HIPK3: variants seen among roughly 807,000 people sequenced by gnomAD.
The protein encoded by HIPK3 is homeodomain interacting protein kinase 3, also known as homeodomain-interacting protein kinase 3.
Under a neutral mutation model 124.2 loss-of-function variants are expected in HIPK3, and 47 were observed. The ratio of observed to expected loss-of-function variants is 0.38; its 90% CI spans 0.30 to 0.48. HIPK3 has a LOEUF of 0.48. Among genes scored for constraint, HIPK3 ranks in the 20% least tolerant of loss-of-function variants. HIPK3 has a pLI of 0.98. For missense variants in HIPK3, 1,286 were observed against 1,454.3 expected (o/e 0.88, Z 1.88); for synonymous variants, 482 against 515.2 (o/e 0.94, Z 0.87).
chr11:33,310,933 C>G (rs1028155134), intron 2 of HIPK3, among the ~76,000 whole-genome samples: 5 of 152,184 alleles, frequency 3.3e-5, no homozygotes, highest in African/African-American at 1.2e-4. Flanking sequence ...CTTGAAAAGC[C>G]TGAGGCATCT....
intron 8 of HIPK3, 35 bp downstream of exon 8, chr11:33,341,721 G>A (rs1328980568): frequency 4.5e-6 from 7 of 1,548,930 alleles, no homozygotes; most frequent in South Asian, 3.6e-5. Flanking sequence ...TTGAATCTAG[G>A]CATGCTTTAT....
At position 33,257,634 on chromosome 11, in the gene HIPK3, A is replaced by C. The variant is rs1484866861; in HGVS notation, c.-258A>C. 1.1e-5 allele frequency: 11 copies of C among 989,814 alleles called. No individual in the cohort carries two copies. Among genetic ancestry groups the C allele is most frequent in the African/African-American group, 1.7e-5 (1 of 57,270 alleles). The allele number at this position is 989,814 out of a possible 1,614,324, so 61.3% of individuals were successfully genotyped here. On this transcript the variant is annotated 5_prime_UTR_variant, in exon 1 of 17. It removes an upstream start codon present in the reference 5' UTR. Coordinates refer to ENST00000303296, the MANE Select transcript of HIPK3 (RefSeq NM_005734.5). ...CCACCCCAAATCCCCGGGAAGGAAG[A>C]TGAGGGAGACGGGCCCGGCGCTTAG...
intron 1 of HIPK3, among the ~76,000 whole-genome samples, chr11:33,271,073 T>A (rs1423511847): frequency 6.6e-6 from 1 of 152,208 alleles, no homozygotes; most frequent in Non-Finnish European, 1.5e-5. Context: ...TACCAATTCC[T>A]AGCAGTATGA....
chr11:33,280,704 G>A (rs908113298), intron 1 of HIPK3, among the ~76,000 whole-genome samples: 2 of 152,182 alleles, frequency 1.3e-5, no homozygotes, highest in Non-Finnish European at 2.9e-5. Context: ...GGCATGTTGG[G>A]AAAGAAAAGC....
At chr11:33,269,228 A>G (rs145591790) in intron 1 of HIPK3, among the ~76,000 whole-genome samples, 16 of 152,140 alleles carry the variant, frequency 1.1e-4, no homozygotes, top group African/African-American at 3.6e-4. Flanking sequence ...CTCTTTTTTT[A>G]CTTCTAACAG....
chr11:33,282,977 C>A (rs558877379), intron 1 of HIPK3, among the ~76,000 whole-genome samples: 95 of 152,240 alleles, frequency 6.2e-4, no homozygotes, highest in African/African-American at 2.2e-3. Context: ...GAGTTTGATA[C>A]ATATAGCCGG....
At chr11:33,270,510 A>G (rs1219082386) in intron 1 of HIPK3, among the ~76,000 whole-genome samples, 1 of 152,230 alleles carries the variant, frequency 6.6e-6, no homozygotes, top group Non-Finnish European at 1.5e-5. Flanking sequence ...TACAGTAAAA[A>G]TAAGATATTA....
intron 1 of HIPK3, among the ~76,000 whole-genome samples, chr11:33,264,889 T>G (rs1239760199): frequency 6.6e-6 from 1 of 152,220 alleles, no homozygotes; most frequent in Non-Finnish European, 1.5e-5. Context: ...AAAATCTGTT[T>G]CAACTTTTTA....
chr11:33,263,911 TG>T (rs2133863797), intron 1 of HIPK3, among the ~76,000 whole-genome samples: 1 of 152,348 alleles, frequency 6.6e-6, no homozygotes, highest in South Asian at 2.1e-4. Context: ...AATCTGAAGC[TG>T]CAAGTGTGAA....
chr11:33,275,117 G>T (rs1390357187), intron 1 of HIPK3, among the ~76,000 whole-genome samples: 4 of 151,920 alleles, frequency 2.6e-5, no homozygotes, highest in Non-Finnish European at 4.4e-5. Flanking sequence ...TTGAGTCACT[G>T]CAGCCTCCGC....
rs1853748206 is a variant in HIPK3 at position 33,353,960 on chromosome 11, G to T, written c.*392G>T. On this transcript the variant is annotated 3_prime_UTR_variant, in exon 17 of 17. Coordinates refer to ENST00000303296, the MANE Select transcript of HIPK3 (RefSeq NM_005734.5). ...CATACAAGTGAATTGTATTATCCGT[G>T]TCTTAGTGTATAAATGTTGGGTCAC... The T allele has an allele frequency of 5.3e-6, 1 of 188,644 alleles. No individual in the cohort carries two copies. Among genetic ancestry groups the T allele is most frequent in the Non-Finnish European group, 1.1e-5 (1 of 90,280 alleles). The allele number at this position is 188,644 out of a possible 1,614,324, so 11.7% of individuals were successfully genotyped here. A position where few individuals can be genotyped will look rare whatever the true frequency, so the allele number is the denominator to read the frequency against.
chr11:33,257,396 A>G lies in HIPK3; in HGVS notation c.-496A>G. ...TGGGGCGGCTGGTGGCAGCTGCCTC[A>G]GTGACGACTGCCGGCATCGCGGCGA... On this transcript the variant is annotated 5_prime_UTR_variant, in exon 1 of 17. Transcript: ENST00000303296. The G allele has an allele frequency of 1.0e-6, 1 of 985,062 alleles. No individual in the cohort carries two copies. The highest frequency in any genetic ancestry group is 1.2e-6 in the Non-Finnish European group (1 of 829,782). 61.0% of individuals were successfully genotyped at this position (985,062 alleles called of 1,614,324 possible). A position where few individuals can be genotyped will look rare whatever the true frequency, so the allele number is the denominator to read the frequency against.
chr11:33,336,226 A>G (rs945574149), intron 3 of HIPK3, among the ~76,000 whole-genome samples: 2 of 152,174 alleles, frequency 1.3e-5, no homozygotes, highest in African/African-American at 4.8e-5. Flanking sequence ...AGCCATACAG[A>G]TATCTAGGGG....
chr11:33,326,374 G>A (rs966419266), intron 2 of HIPK3, among the ~76,000 whole-genome samples: 5 of 152,242 alleles, frequency 3.3e-5, no homozygotes, highest in African/African-American at 9.6e-5. Context: ...CCCAGTCTCA[G>A]TTAAGAAATT....
intron 5 of HIPK3, among the ~76,000 whole-genome samples, 197 bp downstream of exon 5, chr11:33,339,040 C>T (rs1199857413): frequency 1.3e-5 from 2 of 152,176 alleles, no homozygotes; most frequent in African/African-American, 4.8e-5. Flanking sequence ...TTTTAATTTA[C>T]CTATTCGTTC....
At chr11:33,285,248 T>G (rs1317181089) in intron 1 of HIPK3, among the ~76,000 whole-genome samples, 2 of 152,202 alleles carry the variant, frequency 1.3e-5, no homozygotes, top group Admixed American at 6.5e-5. Flanking sequence ...CTTGAGAACC[T>G]TAGAATGATT....
chr11:33,284,804 G>C (rs973246895), intron 1 of HIPK3, among the ~76,000 whole-genome samples: 2 of 152,178 alleles, frequency 1.3e-5, no homozygotes, highest in East Asian at 3.8e-4. Context: ...AGAAAACATG[G>C]AGTATTACTT....
At chr11:33,293,438 C>T (rs1427109437) in intron 2 of HIPK3, among the ~76,000 whole-genome samples, 1 of 152,130 alleles carries the variant, frequency 6.6e-6, no homozygotes, top group African/African-American at 2.4e-5. Flanking sequence ...CCCATCACCC[C>T]CAGCCCTAAG....
intron 2 of HIPK3, among the ~76,000 whole-genome samples, chr11:33,312,200 G>A (rs1852370338): frequency 6.6e-6 from 1 of 152,082 alleles, no homozygotes; most frequent in Non-Finnish European, 1.5e-5. Context: ...TAGCTCTATA[G>A]TTGTTCAGTA....
Sources: gnomAD v4.1 joint callset for allele counts (sites outside exome capture counted in the v4.1 genomes callset) on GRCh38, gnomAD v4.1.1 for gene constraint, MANE v1.5 for transcripts, NCBI Gene and HGNC (gene_info 2026-07-23, HGNC 2026-07-21) for gene names.